Variants in FGF14 observed in about 807,000 individuals in gnomAD.
FGF14 encodes fibroblast growth factor 14, also known as fibroblast growth factor homologous factor 4.
In FGF14, 5 loss-of-function variants were observed where a neutral mutation model predicts 25.5. The ratio of observed to expected loss-of-function variants is 0.20; its 90% CI spans 0.10 to 0.41. The LOEUF is 0.41. Ranked by LOEUF, FGF14 falls within the 10% of genes least tolerant of loss-of-function variation. FGF14 has a pLI of 1.00. For synonymous variants in FGF14, 138 were observed against 118.3 expected (o/e 1.17, Z -1.08); for missense variants, 222 against 320.1 (o/e 0.69, Z 2.34).
intron 1 of FGF14, among the ~76,000 whole-genome samples, chr13:102,381,908 T>C (rs533144217): frequency 6.6e-6 from 1 of 152,314 alleles, no homozygotes; most frequent in African/African-American, 2.4e-5. Context: ...CCCATGAGAT[T>C]ATCAACAAAT....
intron 1 of FGF14, among the ~76,000 whole-genome samples, chr13:101,961,363 T>C (rs2036846811): frequency 6.6e-6 from 1 of 152,202 alleles, no homozygotes; most frequent in South Asian, 2.1e-4. Flanking sequence ...GTAATTTTTG[T>C]AATACATGTA....
In FGF14 at chr13:102,309,185, G is replaced by A. The variant is rs117974911; in HGVS notation, c.208+92286C>T. Among the ~76,000 whole-genome samples, 13 of 122,968 alleles carry A rather than the reference G, an allele frequency of 1.1e-4. No homozygotes were observed. The East Asian group carries it at 3.8e-3, about 36-fold the overall frequency. The allele number at this position is 122,968 out of a possible 152,430, so 80.7% of individuals were successfully genotyped here. ...ACACACACATCTCGCACAGTAATGC[G>A]TTGAGTGCCTCCCAGTCCTTCAAGT... On this transcript the variant is annotated intron_variant, in intron 1 of 4. Transcript: ENST00000376131.
At chr13:101,972,707 C>T (rs2037678353) in intron 1 of FGF14, among the ~76,000 whole-genome samples, 1 of 152,032 alleles carries the variant, frequency 6.6e-6, no homozygotes, top group South Asian at 2.1e-4. Flanking sequence ...AGGGGTCTCG[C>T]TATATTGCCC....
chr13:102,288,515 T>C (rs2054217362), intron 1 of FGF14, among the ~76,000 whole-genome samples: 1 of 152,126 alleles, frequency 6.6e-6, no homozygotes, highest in African/African-American at 2.4e-5. Flanking sequence ...TGGAGTAAAA[T>C]ACATTTCCTA....
At chr13:102,244,806 T>A (rs570339852) in intron 1 of FGF14, among the ~76,000 whole-genome samples, 2 of 152,148 alleles carry the variant, frequency 1.3e-5, no homozygotes, top group East Asian at 1.9e-4. Context: ...GCCTCTTGTA[T>A]CCTAGGATAC....
intron 1 of FGF14, among the ~76,000 whole-genome samples, chr13:102,042,383 G>A (rs2041784427): frequency 6.6e-6 from 1 of 152,192 alleles, no homozygotes; most frequent in South Asian, 2.1e-4. Flanking sequence ...TCAGTGAATT[G>A]AGAAGGTCGT....
rs78685359 is a variant in FGF14 at position 102,144,042 on chromosome 13, G to A, written c.208+257429C>T. On this transcript the variant is annotated intron_variant, in intron 1 of 4. Coordinates refer to the FGF14 transcript ENST00000376131. Reference sequence around the variant, plus strand: ...TTATTTTACTTATTTTAGAGACAGGGTTTCTCTCTGTTGCCCCGGCTGGAA... The same window carrying A: ...TTATTTTACTTATTTTAGAGACAGGATTTCTCTCTGTTGCCCCGGCTGGAA... 4.9e-4 allele frequency among the ~76,000 whole-genome samples: 74 copies of A among 152,214 alleles called. 1 individual carries two copies. In the East Asian group the frequency reaches 0.012, roughly 24 times the overall value.
chr13:101,834,971 T>C (rs986017432), intron 3 of FGF14, among the ~76,000 whole-genome samples: 1 of 152,078 alleles, frequency 6.6e-6, no homozygotes, highest in South Asian at 2.1e-4. Context: ...ATATTTGTTG[T>C]TGGTTCACAG....
intron 1 of FGF14, among the ~76,000 whole-genome samples, chr13:102,043,026 G>C (rs184583806): frequency 1.3e-5 from 2 of 152,244 alleles, no homozygotes; most frequent in African/African-American, 4.8e-5. Flanking sequence ...TGGATAAAGA[G>C]AAAAATATGA....
At chr13:102,330,646 T>C (rs61276056) in intron 1 of FGF14, among the ~76,000 whole-genome samples, 4,245 of 152,234 alleles carry the variant, frequency 0.028, 180 homozygotes, top group African/African-American at 0.095. Context: ...ATTTCAAGTA[T>C]ACCTCTGTTC....
intron 1 of FGF14, among the ~76,000 whole-genome samples, chr13:102,152,571 T>A (rs548745509): frequency 6.6e-6 from 1 of 152,166 alleles, no homozygotes; most frequent in Admixed American, 6.5e-5. Flanking sequence ...TTTTGGAGTA[T>A]AGGGAGTGAG....
intron 1 of FGF14, among the ~76,000 whole-genome samples, chr13:102,289,916 T>C (rs2054295630): frequency 6.6e-6 from 1 of 152,116 alleles, no homozygotes; most frequent in South Asian, 2.1e-4. Context: ...TCTCTCTGCC[T>C]TTCTCTCTCT....
At chr13:102,181,917 T>C (rs1206575069) in intron 1 of FGF14, among the ~76,000 whole-genome samples, 1 of 152,170 alleles carries the variant, frequency 6.6e-6, no homozygotes, top group East Asian at 1.9e-4. Context: ...GGAAGGATCC[T>C]ACTCAGAACC....
At chr13:101,784,414 C>T (rs1370620896) in intron 3 of FGF14, among the ~76,000 whole-genome samples, 1 of 152,064 alleles carries the variant, frequency 6.6e-6, no homozygotes, top group Non-Finnish European at 1.5e-5. Flanking sequence ...TATTCAGATC[C>T]CACAAGGCTC....
At chr13:102,166,146 C>G (rs962110766) in intron 1 of FGF14, among the ~76,000 whole-genome samples, 2 of 149,826 alleles carry the variant, frequency 1.3e-5, no homozygotes, top group South Asian at 2.1e-4. Flanking sequence ...CTAGATTTGA[C>G]TACTCTAGGT....
chr13:102,297,238 T>C (rs1191560915), intron 1 of FGF14, among the ~76,000 whole-genome samples: 1 of 152,086 alleles, frequency 6.6e-6, no homozygotes, highest in Admixed American at 6.6e-5. Context: ...TTCTACAAAA[T>C]ACTTGAACCA....
rs180921505 is a variant in FGF14, at chr13:101,764,286, C to T, written c.409-37476G>A. Among the ~76,000 whole-genome samples the T allele has an allele frequency of 2.0e-3, 312 of 152,294 alleles. 2 individuals carry two copies. The highest frequency in any genetic ancestry group is 6.9e-3 in the African/African-American group (287 of 41,566). ...CTCTAAGCTTCAGTTCACTGATTTGCGTATGGCAATTTCAGCATCTGCTCC... is the reference window on the plus strand; with the variant it reads ...CTCTAAGCTTCAGTTCACTGATTTGTGTATGGCAATTTCAGCATCTGCTCC... On this transcript the variant is annotated intron_variant, in intron 3 of 4. Coordinates refer to ENST00000376143, the MANE Select transcript of FGF14 (RefSeq NM_004115.4).
intron 3 of FGF14, among the ~76,000 whole-genome samples, chr13:101,812,647 ATATATATTTTTTTTTTTT>A (rs1472938469): frequency 3.3e-4 from 3 of 9,068 alleles, no homozygotes; most frequent in African/African-American, 1.1e-3. Flanking sequence ...ATATATATAT[ATATATATTTTTTTTTTTT>A]TTTTTTTTTT....
intron 3 of FGF14, among the ~76,000 whole-genome samples, chr13:101,743,101 T>C (rs2036657040): frequency 6.6e-6 from 1 of 152,220 alleles, no homozygotes; most frequent in Non-Finnish European, 1.5e-5. Context: ...ATACATTGAT[T>C]GATGTCTCAT....
Sources: allele counts gnomAD v4.1 joint callset (sites outside exome capture counted in the v4.1 genomes callset), GRCh38; gene constraint gnomAD v4.1.1; transcripts MANE v1.5; gene names NCBI Gene and HGNC (gene_info 2026-07-23, HGNC 2026-07-21).